The following HHAT variants were observed in gnomAD, a reference collection of about 807,000 sequenced individuals.
The protein encoded by HHAT is hedgehog acyltransferase, also known as protein-cysteine N-palmitoyltransferase HHAT.
A neutral mutation model predicts 70.8 loss-of-function variants in HHAT; 47 were observed. That is an observed-to-expected ratio of 0.66 (90% CI 0.53 to 0.85). The LOEUF (loss-of-function observed/expected upper bound fraction) is 0.85. Ranked by LOEUF, HHAT falls within the 40% of genes least tolerant of loss-of-function variation. The pLI, the probability that HHAT is intolerant of heterozygous loss-of-function variation, is 0.00. For missense variants in HHAT, 609 were observed against 604.8 expected (o/e 1.01, Z -0.07); for synonymous variants, 228 against 247.6 (o/e 0.92, Z 0.74).
intron 11 of HHAT, among the ~76,000 whole-genome samples, chr1:210,668,528 A>G (rs34201960): frequency 0.096 from 14,635 of 152,222 alleles, 845 homozygotes; most frequent in Middle Eastern, 0.17. Flanking sequence ...GCCACCATGT[A>G]AGATATGCCT....
intron 10 of HHAT, among the ~76,000 whole-genome samples, chr1:210,612,397 C>T (rs1394286229): frequency 2.0e-5 from 3 of 152,114 alleles, no homozygotes; most frequent in Non-Finnish European, 2.9e-5. Context: ...TAAATGCAAC[C>T]ATACAATGTT....
At chr1:210,595,226 T>C (rs1292528586) in intron 10 of HHAT, among the ~76,000 whole-genome samples, 1 of 152,206 alleles carries the variant, frequency 6.6e-6, no homozygotes, top group Non-Finnish European at 1.5e-5. Flanking sequence ...TGTGGTTTTT[T>C]GTCCTTGTGA....
intron 8 of HHAT, among the ~76,000 whole-genome samples, chr1:210,479,538 A>C (rs2094359455): frequency 6.6e-6 from 1 of 152,224 alleles, no homozygotes. Context: ...ATAAAAGCTT[A>C]GGTTAAATGA....
At chr1:210,600,258 G>A (rs749504563) in intron 10 of HHAT, among the ~76,000 whole-genome samples, 2 of 151,936 alleles carry the variant, frequency 1.3e-5, no homozygotes, top group Admixed American at 6.6e-5. Context: ...CCAATTCCTG[G>A]CACAGTGCCT....
At chr1:210,658,172 C>T (rs1346175838) in intron 11 of HHAT, among the ~76,000 whole-genome samples, 1 of 152,094 alleles carries the variant, frequency 6.6e-6, no homozygotes, top group African/African-American at 2.4e-5. Context: ...GAGGAATCTC[C>T]TCCCTTATGT....
At chr1:210,381,974 G>C (rs2090673620) in intron 3 of HHAT, among the ~76,000 whole-genome samples, 1 of 152,194 alleles carries the variant, frequency 6.6e-6, no homozygotes, top group South Asian at 2.1e-4. Flanking sequence ...TTTTCAGCTG[G>C]AGAATAGTCC....
At chr1:210,476,572 TG>T (rs1233010310) in intron 8 of HHAT, among the ~76,000 whole-genome samples, 1 of 152,212 alleles carries the variant, frequency 6.6e-6, no homozygotes, top group Non-Finnish European at 1.5e-5. Context: ...CTCCATGACT[TG>T]GGTGCTGGCT....
At chr1:210,327,828 T>A (rs1354986530), upstream of HHAT, among the ~76,000 whole-genome samples, 1 of 152,168 alleles carries the variant, frequency 6.6e-6, no homozygotes, top group Non-Finnish European at 1.5e-5. Flanking sequence ...TAATTGAGTA[T>A]GCTGTATTTT....
At chr1:210,365,823 C>A (rs947804275) in intron 3 of HHAT, among the ~76,000 whole-genome samples, 4 of 152,048 alleles carry the variant, frequency 2.6e-5, no homozygotes, top group African/African-American at 7.3e-5. Flanking sequence ...ACCACGTTGG[C>A]TAGGCTGGTC....
chr1:210,481,355 C>T (rs900766301), intron 8 of HHAT, among the ~76,000 whole-genome samples: 2 of 152,156 alleles, frequency 1.3e-5, no homozygotes, highest in Admixed American at 1.3e-4. Flanking sequence ...AATTCATTCA[C>T]ATTGAACTCA....
chr1:210,348,100 C>G (rs1292085820), intron 1 of HHAT, among the ~76,000 whole-genome samples: 1 of 152,144 alleles, frequency 6.6e-6, no homozygotes, highest in East Asian at 1.9e-4. Flanking sequence ...ACAGATGAGG[C>G]CTGGCACAGT....
intron 3 of HHAT, among the ~76,000 whole-genome samples, chr1:210,366,743 C>T: frequency 6.6e-6 from 1 of 152,222 alleles, no homozygotes; most frequent in East Asian, 1.9e-4. Context: ...TTTAAGGGCT[C>T]TTAAATGACC....
At chr1:210,495,836 C>T (rs2094628613) in intron 8 of HHAT, among the ~76,000 whole-genome samples, 2 of 151,736 alleles carry the variant, frequency 1.3e-5, no homozygotes, top group Non-Finnish European at 1.5e-5. Flanking sequence ...GGTGAAACTC[C>T]ATCTCTGCTA....
At chr1:210,415,734 T>C (rs1206640789) in intron 6 of HHAT, among the ~76,000 whole-genome samples, 1 of 151,984 alleles carries the variant, frequency 6.6e-6, no homozygotes, top group East Asian at 1.9e-4. Context: ...TCTCAGCTCA[T>C]TGCAATTTCT....
intron 11 of HHAT, among the ~76,000 whole-genome samples, chr1:210,654,605 C>T (rs1176507593): frequency 6.6e-6 from 1 of 152,230 alleles, no homozygotes; most frequent in Non-Finnish European, 1.5e-5. Flanking sequence ...TATCCCAGCA[C>T]TTAGCCTACT....
intron 10 of HHAT, among the ~76,000 whole-genome samples, chr1:210,599,306 A>C (rs1046194872): frequency 9.8e-5 from 15 of 152,338 alleles, no homozygotes; most frequent in Admixed American, 9.8e-4. Flanking sequence ...GAAAACATTA[A>C]AGGTTAAAGG....
rs866746689 is a variant in HHAT at position 210,595,796 on chromosome 1, C to A, written c.1245+7697C>A. On this transcript the variant is annotated intron_variant, in intron 10 of 11. Coordinates refer to ENST00000261458, the MANE Select transcript of HHAT (RefSeq NM_018194.6). ...GAAGTGTCTATTCATATCCTTCGCC[C>A]ACTTTTTGATGGGGTTGTTTGTTTT... Among the ~76,000 whole-genome samples, 149 of 152,184 alleles carry A rather than the reference C, an allele frequency of 9.8e-4. 3 individuals are homozygous for A. Among genetic ancestry groups the A allele is most frequent in the Admixed American group, 1.3e-3 (20 of 15,290 alleles).
intron 2 of HHAT, among the ~76,000 whole-genome samples, chr1:210,357,524 T>G (rs1395414639): frequency 1.3e-5 from 2 of 152,300 alleles, no homozygotes; most frequent in Non-Finnish European, 2.9e-5. Flanking sequence ...AACCTAGCAT[T>G]AAAATACACA....
intron 9 of HHAT, among the ~76,000 whole-genome samples, chr1:210,571,320 C>T (rs1015752392): frequency 6.6e-6 from 1 of 152,218 alleles, no homozygotes; most frequent in African/African-American, 2.4e-5. Flanking sequence ...GCTCTACAGG[C>T]ATGCGGGCGC....
Sources: gnomAD v4.1 joint callset for allele counts (sites outside exome capture counted in the v4.1 genomes callset) on GRCh38, gnomAD v4.1.1 for gene constraint, MANE v1.5 for transcripts, NCBI Gene and HGNC (gene_info 2026-07-23, HGNC 2026-07-21) for gene names.